EGLN3: variants seen among roughly 807,000 people sequenced by gnomAD.
EGLN3 encodes the protein prolyl hydroxylase EGLN3.
In EGLN3, 15 loss-of-function variants were observed where a neutral mutation model predicts 26.0. The ratio of observed to expected loss-of-function variants is 0.58; its 90% CI spans 0.39 to 0.89. The LOEUF (loss-of-function observed/expected upper bound fraction) is 0.89, where lower values mean the gene tolerates loss of function less well. EGLN3 is among the 40% of genes least tolerant of loss of function. The pLI is 0.00. For missense variants in EGLN3, 238 were observed against 311.6 expected, an observed-to-expected ratio of 0.76 and a Z score of 1.78; for synonymous variants, 147 against 127.2, an observed-to-expected ratio of 1.16 and a Z score of -1.05.
intron 1 of EGLN3, among the ~76,000 whole-genome samples, chr14:33,942,900 C>T (rs184323922): frequency 6.5e-4 from 99 of 152,276 alleles, no homozygotes; most frequent in African/African-American, 2.2e-3. Context: ...TGACACTGTA[C>T]TGAACACGGA....
intron 1 of EGLN3, among the ~76,000 whole-genome samples, chr14:33,932,685 C>A (rs1043041613): frequency 2.6e-5 from 4 of 152,182 alleles, no homozygotes; most frequent in Admixed American, 2.6e-4. Context: ...ATCAAAATGT[C>A]AATGTGATGT....
Position 33,950,798 on chromosome 14 carries a change from G to C in EGLN3, c.-46C>G, listed in dbSNP as rs777512598. 7.4e-7 allele frequency: 1 copy of C among 1,353,188 alleles called. No homozygotes were observed. The highest frequency in any genetic ancestry group is 9.8e-7 in the Non-Finnish European group (1 of 1,024,382). The allele number at this position is 1,353,188 out of a possible 1,614,324, so 83.8% of individuals were successfully genotyped here. On this transcript the variant is annotated 5_prime_UTR_variant, in exon 1 of 5. Coordinates refer to ENST00000250457, the MANE Select transcript of EGLN3 (RefSeq NM_022073.4). ...CCGGGATCCCCAGCGTGCAACCAGA[G>C]AGGGAACGATCTACACGAGCGCGAA...
At chr14:33,932,906 AC>A (rs927805611) in intron 1 of EGLN3, among the ~76,000 whole-genome samples, 3 of 151,960 alleles carry the variant, frequency 2.0e-5, no homozygotes, top group Admixed American at 2.0e-4. Context: ...AGAATTACCC[AC>A]CCCTGGAAGC....
At chr14:33,926,931 A>G in intron 4 of EGLN3, 29 bp downstream of exon 4, 3 of 1,546,478 alleles carry the variant, frequency 1.9e-6, no homozygotes, top group Non-Finnish European at 8.9e-7. Context: ...AACTTGATCA[A>G]AAGTCACAGA....
At chr14:33,938,519 C>G (rs977090192) in intron 1 of EGLN3, among the ~76,000 whole-genome samples, 1 of 152,198 alleles carries the variant, frequency 6.6e-6, no homozygotes, top group Non-Finnish European at 1.5e-5. Flanking sequence ...GGCAGCCAGC[C>G]CACACCCGAG....
intron 1 of EGLN3, among the ~76,000 whole-genome samples, chr14:33,932,778 TA>T (rs1157175034): frequency 6.6e-6 from 1 of 152,120 alleles, no homozygotes; most frequent in Non-Finnish European, 1.5e-5. Context: ...AATGAAGATT[TA>T]ACAAATGATG....
chr14:33,924,851 C>T lies in EGLN3; in HGVS notation c.*1040G>A, dbSNP rs1358479133. On this transcript the variant is annotated 3_prime_UTR_variant, in exon 5 of 5. Transcript: ENST00000250457. The stretch of plus-strand genomic sequence containing the variant: ...TAGGGACAGACGAGAACTCAAATAG[C>T]TTTGAGATTTTTTTATTTCCACTTC... 6.9e-6 allele frequency: 1 copy of T among 145,304 alleles called. No homozygotes were observed. The highest frequency in any genetic ancestry group is 1.5e-5 in the Non-Finnish European group (1 of 67,072). 9.0% of individuals were successfully genotyped at this position (145,304 alleles called of 1,614,324 possible).
Position 33,925,203 on chromosome 14 carries a change from T to G in EGLN3, c.*688A>C, listed in dbSNP as rs1005824867. ...TAGGTTCCCAGGTAAGAACTGAAAATGGAGAAAAAATTGTGTTGCCATCTT... is the reference window on the plus strand; with the variant it reads ...TAGGTTCCCAGGTAAGAACTGAAAAGGGAGAAAAAATTGTGTTGCCATCTT... On this transcript the variant is annotated 3_prime_UTR_variant, in exon 5 of 5. Transcript: ENST00000250457. 3 of 152,058 alleles carry G rather than the reference T, an allele frequency of 2.0e-5. No individual in the cohort carries two copies. Among genetic ancestry groups the G allele is most frequent in the African/African-American group, 7.2e-5 (3 of 41,392 alleles). The allele number at this position is 152,058 out of a possible 1,614,324, so 9.4% of individuals were successfully genotyped here.
At chr14:33,928,491 G>T (rs1406642790) in intron 3 of EGLN3, among the ~76,000 whole-genome samples, 1 of 152,124 alleles carries the variant, frequency 6.6e-6, no homozygotes, top group Non-Finnish European at 1.5e-5. Context: ...ACAATACTAA[G>T]GTGTTCAGTT....
intron 4 of EGLN3, 88 bp from the exon 5 acceptor site, chr14:33,926,010 G>A: frequency 1.5e-6 from 2 of 1,306,516 alleles, no homozygotes; most frequent in Non-Finnish European, 2.2e-6. Context: ...AAAGCCTCCA[G>A]TAAACACTTC....
chr14:33,928,663 G>T (rs2064379167), intron 3 of EGLN3, among the ~76,000 whole-genome samples: 1 of 152,116 alleles, frequency 6.6e-6, no homozygotes, highest in Admixed American at 6.5e-5. Flanking sequence ...CTCTTTCTCT[G>T]CTTGCAATTA....
chr14:33,927,033 T>C lies in EGLN3; in HGVS notation c.615A>G (p.Arg205=), dbSNP rs1329736666. 10 of 1,593,116 alleles carry C rather than the reference T, an allele frequency of 6.3e-6. No individual in the cohort carries two copies. The highest frequency in any genetic ancestry group is 2.3e-5 in the South Asian group (2 of 86,806). ...CAAAGTACCAGACAGTCATAGCATA[T>C]CTGTGAAAGATAAGCAGATATAAGG... ...PHEVQPSYAT[R]YAMTVWYFDA... Residue 205 remains arginine (R), a splice_region_variant and synonymous_variant, in exon 4 of 5, where the codon AGA becomes AGG. Coordinates refer to ENST00000250457, the MANE Select transcript of EGLN3 (RefSeq NM_022073.4).
chr14:33,938,761 G>A (rs1029842571), intron 1 of EGLN3, among the ~76,000 whole-genome samples: 1 of 152,160 alleles, frequency 6.6e-6, no homozygotes, highest in Non-Finnish European at 1.5e-5. Context: ...CATGTAGCCC[G>A]GTGGCATTTT....
intron 3 of EGLN3, among the ~76,000 whole-genome samples, chr14:33,927,836 T>C (rs536348920): frequency 6.6e-6 from 1 of 152,316 alleles, no homozygotes; most frequent in Non-Finnish European, 1.5e-5. Flanking sequence ...TTTTGGACAT[T>C]GAGGCAAAAT....
At chr14:33,931,391 G>A (rs1280919174) in intron 1 of EGLN3, 176 bp from the exon 2 acceptor site, 2 of 821,360 alleles carry the variant, frequency 2.4e-6, no homozygotes, top group East Asian at 2.7e-5. Context: ...TGTGCACAAT[G>A]GCCAGGTCAT....
chr14:33,925,206 A>C lies in EGLN3; in HGVS notation c.*685T>G, dbSNP rs1451040050. On this transcript the variant is annotated 3_prime_UTR_variant, in exon 5 of 5. Coordinates refer to ENST00000250457, the MANE Select transcript of EGLN3 (RefSeq NM_022073.4). Reference sequence around the variant, plus strand: ...GTTCCCAGGTAAGAACTGAAAATGGAGAAAAAATTGTGTTGCCATCTTTAT... The same window carrying C: ...GTTCCCAGGTAAGAACTGAAAATGGCGAAAAAATTGTGTTGCCATCTTTAT... 1 of 152,206 alleles carries C rather than the reference A, an allele frequency of 6.6e-6. No homozygotes were observed. The highest frequency in any genetic ancestry group is 2.4e-5 in the African/African-American group (1 of 41,450). The allele number at this position is 152,206 out of a possible 1,614,324, so 9.4% of individuals were successfully genotyped here. A position where few individuals can be genotyped will look rare whatever the true frequency, so the allele number is the denominator to read the frequency against.
In EGLN3 at chr14:33,925,907, G is replaced by A. The variant is rs1474486751; in HGVS notation, c.704C>T (p.Ala235Val). 3 of 1,612,640 alleles carry A rather than the reference G, an allele frequency of 1.9e-6. No homozygotes were observed. The highest frequency in any genetic ancestry group is 1.7e-4 in the Middle Eastern group (1 of 6,060). The change falls in exon 5 of 5, where the codon GCC becomes GTC. Residue 235 changes from alanine to valine, a missense_variant. Ala to Val is a moderately conservative substitution (Grantham distance 64). Coordinates refer to ENST00000250457, the MANE Select transcript of EGLN3 (RefSeq NM_022073.4). ...AGAGCACGGTCAGTCTTCAGTGAGG[G>A]CAGATTCAGTTTTCCCTGGGTTGGG... is the stretch of plus-strand genomic sequence containing the variant. ...FRNLTRKTES[A>V]LTED
Position 33,950,848 on chromosome 14 carries a change from G to C in EGLN3, c.-96C>G. ...AGCCGAGGCGCGGGGAGCGTGGCCC[G>C]GGGTTCAGAAACCTGCGGCTGCCAC... On this transcript the variant is annotated 5_prime_UTR_variant, in exon 1 of 5. Transcript: ENST00000250457. The C allele has an allele frequency of 8.4e-7, 1 of 1,191,602 alleles. No individual in the cohort carries two copies. The highest frequency in any genetic ancestry group is 1.2e-6 in the Non-Finnish European group (1 of 839,206). 73.8% of individuals were successfully genotyped at this position (1,191,602 alleles called of 1,614,324 possible).
At chr14:33,949,275 G>A (rs1208872635) in intron 1 of EGLN3, 1 of 152,172 alleles carries the variant, frequency 6.6e-6, no homozygotes, top group East Asian at 1.9e-4. Flanking sequence ...GTTCCTCTCA[G>A]CGTATTAGAG....
Sources: allele counts gnomAD v4.1 joint callset (sites outside exome capture counted in the v4.1 genomes callset), GRCh38; gene constraint gnomAD v4.1.1; transcripts MANE v1.5; gene names NCBI Gene and HGNC (gene_info 2026-07-23, HGNC 2026-07-21).